The following ZC3H11A variants were observed in gnomAD, a reference collection of about 807,000 sequenced individuals.
ZC3H11A encodes the protein zinc finger CCCH domain-containing protein 11A.
A neutral mutation model predicts 90.8 loss-of-function variants in ZC3H11A; 22 were observed. The ratio of observed to expected loss-of-function variants is 0.24; its 90% CI spans 0.17 to 0.35. The LOEUF (loss-of-function observed/expected upper bound fraction) is 0.35. ZC3H11A is among the 10% of genes least tolerant of loss of function. The pLI is 1.00. For synonymous variants in ZC3H11A, 294 were observed against 339.8 expected (o/e 0.87, Z 1.48); for missense variants, 701 against 964.9 (o/e 0.73, Z 3.62).
intron 2 of ZC3H11A, among the ~76,000 whole-genome samples, chr1:203,814,733 T>G (rs572718937): frequency 6.6e-6 from 1 of 152,304 alleles, no homozygotes; most frequent in South Asian, 2.1e-4. Flanking sequence ...TTTTTAGATT[T>G]TTTTGTTTTT....
intron 11 of ZC3H11A, among the ~76,000 whole-genome samples, chr1:203,839,519 T>C (rs1572269419): frequency 2.0e-5 from 3 of 152,178 alleles, no homozygotes; most frequent in Admixed American, 2.0e-4. Context: ...TTCTTTTAAT[T>C]TTTCCCCTTG....
chr1:203,827,203 A>G (rs1680806307), intron 4 of ZC3H11A, among the ~76,000 whole-genome samples: 1 of 152,132 alleles, frequency 6.6e-6, no homozygotes, highest in Non-Finnish European at 1.5e-5. Context: ...TGATGTACAC[A>G]TGGGTTTGCA....
Position 203,829,773 on chromosome 1 carries a change from T to C in ZC3H11A, c.503-7T>C, listed in dbSNP as rs745347199. ...ATTGTGAATTTGCCTTAAATGTTGA[T>C]ATATAGATCAGTTTTCTGAGGAAGG... On this transcript the variant is annotated splice_region_variant and splice_polypyrimidine_tract_variant and intron_variant, in intron 6 of 17. Transcript: ENST00000367210. 1.2e-6 allele frequency: 2 copies of C among 1,613,876 alleles called. No individual in the cohort carries two copies. Among genetic ancestry groups the C allele is most frequent in the South Asian group, 1.1e-5 (1 of 91,080 alleles).
intron 12 of ZC3H11A, among the ~76,000 whole-genome samples, chr1:203,845,320 T>C (rs1227875857): frequency 6.6e-6 from 1 of 152,214 alleles, no homozygotes; most frequent in Non-Finnish European, 1.5e-5. Context: ...CATGTTGTAC[T>C]TTCTTGGAGT....
In ZC3H11A at chr1:203,849,840, G is replaced by A. The variant is rs1688834988; in HGVS notation, c.1753G>A (p.Val585Ile). 4 of 1,614,026 alleles carry A rather than the reference G, an allele frequency of 2.5e-6. No homozygotes were observed. In the East Asian group the frequency reaches 8.9e-5, roughly 36 times the overall value. ...AGTCTTGACACCTCTTCGGGGAGATGTAGCCTCTTGCAATACCCAAGTGGC... is the reference window on the plus strand; with the variant it reads ...AGTCTTGACACCTCTTCGGGGAGATATAGCCTCTTGCAATACCCAAGTGGC... ...KSVLTPLRGD[V>I]ASCNTQVAEK... is the part of the protein sequence containing the mutation. The change falls in exon 15 of 18, where the codon GTA (valine) becomes ATA (isoleucine). Residue 585 changes from valine to isoleucine, a missense_variant. Val to Ile is a conservative substitution (Grantham distance 29). This residue lies in a region of ZC3H11A where 530 missense variants were observed against 696.2 expected (regional missense o/e 0.76). Coordinates refer to ENST00000367210, the MANE Select transcript of ZC3H11A (RefSeq NM_001376342.1).
chr1:203,830,333 G>A, intron 8 of ZC3H11A, 130 bp downstream of exon 8: 2 of 728,554 alleles, frequency 2.7e-6, no homozygotes, highest in Non-Finnish European at 4.6e-6. Context: ...GTAAAACACA[G>A]ACTTATTTAA....
chr1:203,822,688 G>C (rs1679186007), intron 4 of ZC3H11A, among the ~76,000 whole-genome samples: 1 of 152,120 alleles, frequency 6.6e-6, no homozygotes, highest in Non-Finnish European at 1.5e-5. Context: ...ACCCTGCTCA[G>C]GCTCAACACT....
chr1:203,810,057 G>C (rs1673829201), intron 2 of ZC3H11A, among the ~76,000 whole-genome samples: 1 of 151,006 alleles, frequency 6.6e-6, no homozygotes, highest in Non-Finnish European at 1.5e-5. Flanking sequence ...GTGCATCTTT[G>C]TTTTGTGTTT....
intron 12 of ZC3H11A, among the ~76,000 whole-genome samples, chr1:203,842,758 C>T (rs115962621): frequency 0.011 from 1,618 of 150,386 alleles, 21 homozygotes; most frequent in African/African-American, 0.038. Context: ...CAAAAATACA[C>T]GAGAATATAA....
intron 5 of ZC3H11A, 129 bp downstream of exon 5, chr1:203,828,551 T>TCTGTA: frequency 8.7e-7 from 1 of 1,151,844 alleles, no homozygotes; most frequent in Non-Finnish European, 1.2e-6. Flanking sequence ...ACTTTACAGA[T>TCTGTA]AAGTGAACTG....
chr1:203,805,228 G>T (rs1169579149), intron 2 of ZC3H11A, among the ~76,000 whole-genome samples: 1 of 150,998 alleles, frequency 6.6e-6, no homozygotes, highest in African/African-American at 2.4e-5. Flanking sequence ...CCGCCTCCTG[G>T]GTTCAAGCAA....
At chr1:203,827,664 A>G (rs1681000672) in intron 4 of ZC3H11A, among the ~76,000 whole-genome samples, 2 of 151,436 alleles carry the variant, frequency 1.3e-5, no homozygotes, top group African/African-American at 2.4e-5. Context: ...CCTGGGTGAC[A>G]GAGCAAGACT....
intron 11 of ZC3H11A, among the ~76,000 whole-genome samples, chr1:203,839,853 G>C (rs1018086074): frequency 3.3e-5 from 5 of 152,022 alleles, no homozygotes; most frequent in African/African-American, 1.2e-4. Context: ...ACCCAGACTG[G>C]AGTGCAGTAG....
At chr1:203,841,193 G>GT (rs1202271830) in intron 12 of ZC3H11A, among the ~76,000 whole-genome samples, 1 of 144,990 alleles carries the variant, frequency 6.9e-6, no homozygotes, top group African/African-American at 2.6e-5. Flanking sequence ...ATTCTTGGGT[G>GT]TTTCTCGGAG....
At chr1:203,833,645 G>A (rs1572210890) in intron 9 of ZC3H11A, 146 bp from the exon 10 acceptor site, 1 of 264,464 alleles carries the variant, frequency 3.8e-6, no homozygotes, top group South Asian at 1.3e-4. Flanking sequence ...TTGATATAAT[G>A]GCCTTCCTTA....
intron 10 of ZC3H11A, among the ~76,000 whole-genome samples, chr1:203,834,564 G>T (rs1386882183): frequency 6.6e-6 from 1 of 152,066 alleles, no homozygotes; most frequent in African/African-American, 2.4e-5. Flanking sequence ...GAGATACCAT[G>T]CTTGGCTGCT....
At chr1:203,798,621 G>C in intron 1 of ZC3H11A, 1 of 1,536,158 alleles carries the variant, frequency 6.5e-7, no homozygotes, top group South Asian at 1.2e-5. Context: ...TAGTGACTCT[G>C]ATTCAGATGA....
intron 2 of ZC3H11A, among the ~76,000 whole-genome samples, chr1:203,815,419 A>T: frequency 7.8e-6 from 1 of 127,754 alleles, no homozygotes; most frequent in African/African-American, 3.0e-5. Context: ...GGGTTTTGCC[A>T]TGTTGTCCAG....
At chr1:203,813,068 A>G (rs1675057303) in intron 2 of ZC3H11A, among the ~76,000 whole-genome samples, 1 of 152,288 alleles carries the variant, frequency 6.6e-6, no homozygotes, top group Non-Finnish European at 1.5e-5. Flanking sequence ...TTTGTATATC[A>G]GACCTTATCA....
Sources: allele counts gnomAD v4.1 joint callset (sites outside exome capture counted in the v4.1 genomes callset), GRCh38; gene constraint gnomAD v4.1.1; regional missense constraint gnomAD v4.1.1; transcripts MANE v1.5; gene names NCBI Gene and HGNC (gene_info 2026-07-23, HGNC 2026-07-21).